SLC25A21: variants seen among roughly 807,000 people sequenced by gnomAD.
SLC25A21 encodes the protein solute carrier family 25 member 21, also known as mitochondrial 2-oxodicarboxylate carrier.
A neutral mutation model predicts 43.8 loss-of-function variants in SLC25A21; 47 were observed. The ratio of observed to expected loss-of-function variants is 1.07; its 90% confidence interval spans 0.85 to 1.37. The LOEUF (loss-of-function observed/expected upper bound fraction) is 1.37. Among genes scored for constraint, SLC25A21 ranks in the 40% most tolerant of loss-of-function variants. The pLI, the probability that SLC25A21 is intolerant of heterozygous loss-of-function variation, is 0.00. For synonymous variants in SLC25A21, 131 were observed against 121.3 expected (o/e 1.08, Z -0.52); for missense variants, 352 against 350.2 (o/e 1.00, Z -0.04).
At chr14:37,043,909 GT>G (rs1450134642) in intron 1 of SLC25A21, among the ~76,000 whole-genome samples, 1 of 129,718 alleles carries the variant, frequency 7.7e-6, no homozygotes, top group East Asian at 2.2e-4. Context: ...TACATTTTTT[GT>G]TTTTTGTTTT....
chr14:37,143,352 T>C (rs900160308), intron 1 of SLC25A21, among the ~76,000 whole-genome samples: 16 of 152,190 alleles, frequency 1.1e-4, no homozygotes, highest in African/African-American at 3.6e-4. Context: ...CACTGCACAT[T>C]CCTCGTGGTT....
intron 2 of SLC25A21, among the ~76,000 whole-genome samples, chr14:36,869,048 G>C (rs984529083): frequency 6.6e-6 from 1 of 152,154 alleles, no homozygotes; most frequent in Admixed American, 6.5e-5. Flanking sequence ...GGGTGGTGGT[G>C]CTATTACTAA....
chr14:36,895,456 A>G (rs1018838013), intron 1 of SLC25A21, among the ~76,000 whole-genome samples: 14 of 152,152 alleles, frequency 9.2e-5, no homozygotes, highest in Admixed American at 2.6e-4. Flanking sequence ...TCTTGCTAGC[A>G]GTCTATCAAT....
At chr14:37,164,624 G>C (rs1964001450) in intron 1 of SLC25A21, among the ~76,000 whole-genome samples, 1 of 152,026 alleles carries the variant, frequency 6.6e-6, no homozygotes, top group African/African-American at 2.4e-5. Flanking sequence ...AAATCCAAAG[G>C]ACTTCTAGTA....
intron 1 of SLC25A21, among the ~76,000 whole-genome samples, chr14:37,126,096 T>G (rs575615437): frequency 6.6e-6 from 1 of 152,318 alleles, no homozygotes; most frequent in South Asian, 2.1e-4. Context: ...TGATCATAAC[T>G]CAGGACACCG....
At chr14:37,079,141 T>G (rs1317331258) in intron 1 of SLC25A21, among the ~76,000 whole-genome samples, 1 of 152,174 alleles carries the variant, frequency 6.6e-6, no homozygotes, top group Non-Finnish European at 1.5e-5. Context: ...GTTGTTTTCA[T>G]TCTATATACT....
chr14:36,768,278 C>A (rs1449816191), intron 3 of SLC25A21, among the ~76,000 whole-genome samples: 1 of 152,162 alleles, frequency 6.6e-6, no homozygotes, highest in Non-Finnish European at 1.5e-5. Context: ...TAGAGATACA[C>A]ATAATATCAG....
intron 1 of SLC25A21, among the ~76,000 whole-genome samples, chr14:37,155,571 C>T (rs1963833642): frequency 6.6e-6 from 1 of 152,028 alleles, no homozygotes; most frequent in Admixed American, 6.6e-5. Flanking sequence ...AAAGAAAACT[C>T]CATCAAACTA....
intron 2 of SLC25A21, among the ~76,000 whole-genome samples, chr14:36,870,224 AAT>A (rs1173776514): frequency 1.3e-5 from 2 of 152,208 alleles, no homozygotes; most frequent in Non-Finnish European, 2.9e-5. Context: ...ACAAATTAAG[AAT>A]GAGTGATGTA....
At chr14:37,131,590 T>C (rs748394026) in intron 1 of SLC25A21, among the ~76,000 whole-genome samples, 12 of 152,316 alleles carry the variant, frequency 7.9e-5, no homozygotes, top group Non-Finnish European at 1.5e-4. Context: ...ATAATACAAT[T>C]CATACTAAAT....
chr14:36,776,365 T>A (rs965887843), intron 3 of SLC25A21, among the ~76,000 whole-genome samples: 1 of 149,148 alleles, frequency 6.7e-6, no homozygotes, highest in Admixed American at 6.6e-5. Context: ...GCCTCCCGAG[T>A]AGCTGGGACT....
intron 1 of SLC25A21, among the ~76,000 whole-genome samples, chr14:36,981,152 C>T (rs1195141248): frequency 6.6e-6 from 1 of 152,076 alleles, no homozygotes; most frequent in East Asian, 1.9e-4. Flanking sequence ...CATCTCACAC[C>T]AGTTAGAATG....
At chr14:36,899,200 G>A (rs144719761) in intron 1 of SLC25A21, among the ~76,000 whole-genome samples, 200 of 151,878 alleles carry the variant, frequency 1.3e-3, no homozygotes, top group African/African-American at 3.9e-3. Context: ...GACGATCCAC[G>A]CAAACATAGC....
chr14:36,971,563 C>A (rs1365707791), intron 1 of SLC25A21, among the ~76,000 whole-genome samples: 2 of 152,078 alleles, frequency 1.3e-5, no homozygotes, highest in Admixed American at 1.3e-4. Context: ...ACCACCTCCT[C>A]AAGCCTCCCT....
At chr14:37,131,216 T>C (rs951233658) in intron 1 of SLC25A21, among the ~76,000 whole-genome samples, 6 of 152,222 alleles carry the variant, frequency 3.9e-5, no homozygotes, top group Admixed American at 6.5e-5. Flanking sequence ...GAGATTCATA[T>C]AGACTAACCT....
chr14:36,964,307 C>G (rs1332987869), intron 1 of SLC25A21, among the ~76,000 whole-genome samples: 1 of 152,088 alleles, frequency 6.6e-6, no homozygotes, highest in East Asian at 1.9e-4. Context: ...CTCAGCAAAC[C>G]CTTTTTGTAT....
chr14:36,777,272 A>G (rs1886872023), intron 3 of SLC25A21, among the ~76,000 whole-genome samples: 1 of 152,146 alleles, frequency 6.6e-6, no homozygotes, highest in Non-Finnish European at 1.5e-5. Context: ...AAACAAAAAC[A>G]AAAAACACAA....
Position 36,679,960 on chromosome 14 carries a change from G to GTTAAAACAC in SLC25A21, c.*697_*698insGTGTTTTAA. On this transcript the variant is annotated 3_prime_UTR_variant, in exon 10 of 10. Coordinates refer to ENST00000331299, the MANE Select transcript of SLC25A21 (RefSeq NM_030631.4). ...GATTTAAACATGCTTAAACAACAGTGTTTTAACATTCTGTTTTAAACAATG... is the reference window on the plus strand; with the variant it reads ...GATTTAAACATGCTTAAACAACAGTGTTAAAACACTTTTAACATTCTGTTTTAAACAATG... 2.5e-6 allele frequency: 2 copies of GTTAAAACAC among 811,010 alleles called. No individual in the cohort carries two copies. Among genetic ancestry groups the GTTAAAACAC allele is most frequent in the Non-Finnish European group, 2.8e-6 (2 of 706,650 alleles). The allele number at this position is 811,010 out of a possible 1,614,324, so 50.2% of individuals were successfully genotyped here.
At chr14:37,083,951 T>C (rs1962435786) in intron 1 of SLC25A21, among the ~76,000 whole-genome samples, 2 of 152,268 alleles carry the variant, frequency 1.3e-5, no homozygotes, top group South Asian at 4.1e-4. Context: ...GTTGACTTTT[T>C]GGTCGAATTC....
Sources: allele counts gnomAD v4.1 joint callset (sites outside exome capture counted in the v4.1 genomes callset), GRCh38; gene constraint gnomAD v4.1.1; transcripts MANE v1.5; gene names NCBI Gene and HGNC (gene_info 2026-07-23, HGNC 2026-07-21).